BBS9: variants seen among roughly 807,000 people sequenced by gnomAD.
BBS9 encodes protein PTHB1.
A neutral mutation model predicts 117.7 loss-of-function variants in BBS9; 89 were observed. The observed-to-expected ratio is 0.76, with a 90% CI of 0.64 to 0.90. The LOEUF (loss-of-function observed/expected upper bound fraction) is 0.90, where lower values mean the gene tolerates loss of function less well. BBS9 is among the 40% of genes least tolerant of loss of function. The probability of loss-of-function intolerance (pLI) is 0.00; values close to 1 mark genes in which losing one functional copy is unlikely to be tolerated. For synonymous variants in BBS9, 379 were observed against 370.9 expected (o/e 1.02, Z -0.25); for missense variants, 982 against 1,042.2 (o/e 0.94, Z 0.80).
chr7:33,412,220 C>T (rs1032381236), intron 19 of BBS9, among the ~76,000 whole-genome samples: 9 of 152,138 alleles, frequency 5.9e-5, no homozygotes, highest in African/African-American at 2.2e-4. Context: ...AACTATTTAG[C>T]AGGTAAATAC....
At chr7:33,469,715 C>T (rs1840701629) in intron 19 of BBS9, among the ~76,000 whole-genome samples, 1 of 152,090 alleles carries the variant, frequency 6.6e-6, no homozygotes, top group Non-Finnish European at 1.5e-5. Flanking sequence ...CACCCCACAA[C>T]TTTCCCAGCT....
chr7:33,326,029 A>G (rs1475446856), intron 9 of BBS9, among the ~76,000 whole-genome samples: 1 of 152,022 alleles, frequency 6.6e-6, no homozygotes, highest in Non-Finnish European at 1.5e-5. Flanking sequence ...GGGCTCTACA[A>G]TCATCAAGTG....
Position 33,378,828 on chromosome 7 carries a change from G to A in BBS9, c.1790-4838G>A, listed in dbSNP as rs74652438. Among the ~76,000 whole-genome samples, 576 of 152,258 alleles carry A rather than the reference G, an allele frequency of 3.8e-3. 1 individual carries two copies. Among genetic ancestry groups the A allele is most frequent in the Admixed American group, 8.6e-3 (131 of 15,294 alleles). On this transcript the variant is annotated intron_variant, in intron 17 of 22. Coordinates refer to ENST00000242067, the MANE Select transcript of BBS9 (RefSeq NM_198428.3). ...GCCTAGCAGTTTCACTGAGGTATTG[G>A]AGTAGGTCCTAATTGGGTTTGTCTT...
intron 9 of BBS9, among the ~76,000 whole-genome samples, chr7:33,289,455 T>C (rs1034391681): frequency 6.6e-6 from 1 of 152,212 alleles, no homozygotes; most frequent in Non-Finnish European, 1.5e-5. Flanking sequence ...GACAGTGTTA[T>C]GTAAAAGTGT....
chr7:33,597,185 C>T (rs1185369176), intron 21 of BBS9, among the ~76,000 whole-genome samples: 4 of 150,874 alleles, frequency 2.7e-5, no homozygotes, highest in African/African-American at 7.3e-5. Flanking sequence ...TAAGATAGTG[C>T]GATATTCTTT....
At chr7:33,344,700 G>T (rs1817277707) in intron 12 of BBS9, 66 bp downstream of exon 12, 1 of 1,487,858 alleles carries the variant, frequency 6.7e-7, no homozygotes, top group Non-Finnish European at 9.4e-7. Context: ...ATCTGTCACT[G>T]TTGAGAACTT....
intron 21 of BBS9, among the ~76,000 whole-genome samples, chr7:33,554,375 G>A (rs973435216): frequency 1.2e-4 from 19 of 152,152 alleles, no homozygotes; most frequent in African/African-American, 4.6e-4. Flanking sequence ...AGAAATGTAG[G>A]CAAGAGATGA....
intron 7 of BBS9, among the ~76,000 whole-genome samples, chr7:33,266,819 T>G (rs1798910384): frequency 6.6e-6 from 1 of 152,160 alleles, no homozygotes; most frequent in Non-Finnish European, 1.5e-5. Context: ...CTTGGCTCAC[T>G]GCAACCTCCG....
At chr7:33,476,585 C>T (rs1841832932) in intron 19 of BBS9, among the ~76,000 whole-genome samples, 1 of 152,196 alleles carries the variant, frequency 6.6e-6, no homozygotes, top group Non-Finnish European at 1.5e-5. Flanking sequence ...AGTATCCCTC[C>T]AGCCTGAGGG....
chr7:33,396,833 A>G (rs1828052204), intron 19 of BBS9, among the ~76,000 whole-genome samples: 1 of 152,138 alleles, frequency 6.6e-6, no homozygotes, highest in Non-Finnish European at 1.5e-5. Flanking sequence ...AGAATAGAGA[A>G]CTCAGAAATA....
At chr7:33,450,720 A>C (rs1837679162) in intron 19 of BBS9, among the ~76,000 whole-genome samples, 1 of 152,008 alleles carries the variant, frequency 6.6e-6, no homozygotes, top group South Asian at 2.1e-4. Context: ...AAATCAGATT[A>C]GTTTTTTTGT....
At chr7:33,242,837 A>G in intron 5 of BBS9, 1 of 397,312 alleles carries the variant, frequency 2.5e-6, no homozygotes, top group Non-Finnish European at 5.1e-6. Context: ...AGGAATTTAG[A>G]AATTATGTCA....
intron 19 of BBS9, among the ~76,000 whole-genome samples, chr7:33,414,173 C>T (rs752526601): frequency 7.2e-5 from 11 of 152,108 alleles, no homozygotes; most frequent in Non-Finnish European, 1.2e-4. Context: ...GGATTTAGAT[C>T]AGTTAGTAGT....
At chr7:33,193,504 T>A (rs541646503) in intron 5 of BBS9, among the ~76,000 whole-genome samples, 1 of 151,732 alleles carries the variant, frequency 6.6e-6, no homozygotes, top group Non-Finnish European at 1.5e-5. Context: ...CAAGCTTAGC[T>A]TGGCCCACTC....
chr7:33,270,446 T>A (rs1034858526), intron 7 of BBS9, among the ~76,000 whole-genome samples: 2 of 152,038 alleles, frequency 1.3e-5, no homozygotes, highest in Non-Finnish European at 2.9e-5. Context: ...CAAAATCCAA[T>A]CCAAGAAATC....
intron 21 of BBS9, among the ~76,000 whole-genome samples, chr7:33,569,214 A>T (rs1857377735): frequency 6.6e-6 from 1 of 152,174 alleles, no homozygotes; most frequent in Non-Finnish European, 1.5e-5. Flanking sequence ...GGTAAAAAGT[A>T]TTATACACAA....
chr7:33,560,323 A>G lies in BBS9; in HGVS notation c.2521+26147A>G, dbSNP rs570355656. ...TATTCTGGGTAGGAACAAGATAACC[A>G]AACTTACTTTAGTCTTCCCATCACA... On this transcript the variant is annotated intron_variant, in intron 21 of 22. Transcript: ENST00000242067. Among the ~76,000 whole-genome samples the G allele has an allele frequency of 4.6e-5, 7 of 151,880 alleles. No homozygotes were observed. The South Asian group carries it at 8.3e-4, about 18-fold the overall frequency.
chr7:33,175,807 G>A (rs1216783875), intron 4 of BBS9, among the ~76,000 whole-genome samples: 3 of 152,240 alleles, frequency 2.0e-5, no homozygotes, highest in Admixed American at 2.0e-4. Flanking sequence ...GGAAAAACAA[G>A]CAGAAATTTA....
At chr7:33,571,349 TAGAGAAA>T (rs1857752280) in intron 21 of BBS9, among the ~76,000 whole-genome samples, 1 of 151,278 alleles carries the variant, frequency 6.6e-6, no homozygotes, top group Non-Finnish European at 1.5e-5. Context: ...CAGAATAGAA[TAGAGAAA>T]AAACAGAAAA....
Sources: allele counts gnomAD v4.1 joint callset (sites outside exome capture counted in the v4.1 genomes callset), GRCh38; gene constraint gnomAD v4.1.1; transcripts MANE v1.5; gene names NCBI Gene and HGNC (gene_info 2026-07-23, HGNC 2026-07-21).